The following TMEM132D variants were observed in gnomAD, a reference collection of about 807,000 sequenced individuals.
TMEM132D encodes mature OL transmembrane protein.
TMEM132D carries 21 observed loss-of-function variants against 62.3 expected under a neutral mutation model. The observed-to-expected ratio is 0.34, with a 90% CI of 0.24 to 0.49. TMEM132D has a LOEUF of 0.49. Among genes scored for constraint, TMEM132D ranks in the 20% least tolerant of loss-of-function variants. TMEM132D has a pLI of 0.99. For missense variants in TMEM132D, 1,346 were observed against 1,402.8 expected (o/e 0.96, Z 0.65); for synonymous variants, 621 against 575.6 (o/e 1.08, Z -1.13).
intron 3 of TMEM132D, among the ~76,000 whole-genome samples, chr12:129,509,913 C>T (rs751474793): frequency 5.3e-5 from 8 of 152,252 alleles, no homozygotes; most frequent in Admixed American, 6.5e-5. Context: ...CTATCGTGAA[C>T]AGCACTCCAA....
Position 129,892,516 on chromosome 12 carries a change from C to T in TMEM132D, c.79+10745G>A, listed in dbSNP as rs985532864. ...TCTTCTTTCTCTCCTCCCCTCTTCC[C>T]TTCTCCTCCCTCTCCTCCTCCTCGT... On this transcript the variant is annotated intron_variant, in intron 1 of 8. Coordinates refer to ENST00000422113, the MANE Select transcript of TMEM132D (RefSeq NM_133448.3). 2.6e-5 allele frequency among the ~76,000 whole-genome samples: 4 copies of T among 152,132 alleles called. No individual in the cohort carries two copies. The East Asian group carries it at 5.8e-4, about 22-fold the overall frequency.
chr12:129,298,288 C>T (rs1881626111), intron 4 of TMEM132D, among the ~76,000 whole-genome samples: 1 of 152,292 alleles, frequency 6.6e-6, no homozygotes, highest in African/African-American at 2.4e-5. Context: ...CTACAGCTTG[C>T]AAAGTCACAC....
chr12:129,662,079 C>T (rs999167349), intron 2 of TMEM132D, among the ~76,000 whole-genome samples: 1 of 152,208 alleles, frequency 6.6e-6, no homozygotes, highest in Non-Finnish European at 1.5e-5. Flanking sequence ...GCTATACTAG[C>T]AGGGCACATA....
Position 129,341,313 on chromosome 12 carries a change from G to A in TMEM132D, c.1116-3496C>T, listed in dbSNP as rs374334309. ...TCAGAAGGGAATCTGATGTATTGTAGGAGATAAATACAGTTGGTTAAAGAG... is the reference window on the plus strand; with the variant it reads ...TCAGAAGGGAATCTGATGTATTGTAAGAGATAAATACAGTTGGTTAAAGAG... On this transcript the variant is annotated intron_variant, in intron 3 of 8. Transcript: ENST00000422113. 9.2e-5 allele frequency among the ~76,000 whole-genome samples: 14 copies of A among 152,314 alleles called. 1 individual carries two copies. In the East Asian group the frequency reaches 2.7e-3, roughly 29 times the overall value.
chr12:129,432,529 T>C (rs1327692624), intron 3 of TMEM132D, among the ~76,000 whole-genome samples: 1 of 152,232 alleles, frequency 6.6e-6, no homozygotes, highest in Non-Finnish European at 1.5e-5. Flanking sequence ...CTTTTCTTCA[T>C]TGGCATGGGC....
intron 1 of TMEM132D, among the ~76,000 whole-genome samples, chr12:129,863,879 T>A (rs2137370705): frequency 6.6e-6 from 1 of 152,316 alleles, no homozygotes; most frequent in Non-Finnish European, 1.5e-5. Flanking sequence ...GCCTCATCAG[T>A]CGGCAGAGTT....
At chr12:129,588,684 C>G (rs1192320686) in intron 2 of TMEM132D, among the ~76,000 whole-genome samples, 1 of 150,792 alleles carries the variant, frequency 6.6e-6, no homozygotes, top group Non-Finnish European at 1.5e-5. Context: ...ACACCATTCT[C>G]CTGTTTCAGC....
intron 1 of TMEM132D, among the ~76,000 whole-genome samples, chr12:129,899,342 TGATG>T (rs1424348563): frequency 1.7e-5 from 2 of 114,982 alleles, no homozygotes; most frequent in Admixed American, 1.8e-4. Context: ...GATGGATGGA[TGATG>T]GATGGAGGGA....
chr12:129,529,864 A>G (rs143625009), intron 3 of TMEM132D, among the ~76,000 whole-genome samples: 1 of 152,340 alleles, frequency 6.6e-6, no homozygotes, highest in Non-Finnish European at 1.5e-5. Context: ...TTTCCAAATT[A>G]TATTACTGGT....
In TMEM132D at chr12:129,700,508, C is replaced by A. The variant is rs1006641282; in HGVS notation, c.270G>T (p.Leu90=). 1 of 1,614,058 alleles carries A rather than the reference C, an allele frequency of 6.2e-7. No homozygotes were observed. The highest frequency in any genetic ancestry group is 1.3e-5 in the African/African-American group (1 of 74,926). ...GCCCGTAGCTGGCATTGAGGACAGGCAGCCTCCTGGATTTGTAAATCAGAA... is the reference window on the plus strand; with the variant it reads ...GCCCGTAGCTGGCATTGAGGACAGGAAGCCTCCTGGATTTGTAAATCAGAA... The part of the protein sequence containing the change: ...ESFLIYKSRR[L]PVLNASYGPF... Residue 90 remains leucine (L), a synonymous_variant, in exon 2 of 9, where the codon CTG becomes CTT. Transcript: ENST00000422113.
At chr12:129,429,434 T>G (rs1872589629) in intron 3 of TMEM132D, among the ~76,000 whole-genome samples, 1 of 152,106 alleles carries the variant, frequency 6.6e-6, no homozygotes, top group Non-Finnish European at 1.5e-5. Flanking sequence ...TAGGGATGAC[T>G]TCTAGAAAAA....
intron 4 of TMEM132D, among the ~76,000 whole-genome samples, chr12:129,312,557 T>G (rs1479972547): frequency 2.0e-5 from 3 of 152,340 alleles, no homozygotes; most frequent in East Asian, 1.9e-4. Flanking sequence ...GAATAGTTTT[T>G]TTTGTTTGTT....
intron 3 of TMEM132D, among the ~76,000 whole-genome samples, chr12:129,470,955 A>G (rs543415642): frequency 6.6e-6 from 1 of 152,302 alleles, no homozygotes; most frequent in East Asian, 1.9e-4. Context: ...AGATGACATC[A>G]TGAGAACACA....
intron 5 of TMEM132D, among the ~76,000 whole-genome samples, chr12:129,137,148 T>TCAC (rs1876603657): frequency 3.3e-5 from 1 of 30,680 alleles, no homozygotes; most frequent in African/African-American, 6.8e-5. Context: ...ACTATCATTG[T>TCAC]CATCACTATC....
chr12:129,551,597 T>G (rs1035632168), intron 2 of TMEM132D, among the ~76,000 whole-genome samples: 7 of 152,236 alleles, frequency 4.6e-5, no homozygotes, highest in Non-Finnish European at 8.8e-5. Flanking sequence ...TACTTTAGTA[T>G]AGCGCCAATC....
chr12:129,329,038 A>T (rs1227783392), intron 4 of TMEM132D, among the ~76,000 whole-genome samples: 2 of 149,054 alleles, frequency 1.3e-5, no homozygotes, highest in South Asian at 2.1e-4. Context: ...TAAAGAATAT[A>T]TATATATATA....
chr12:129,269,842 C>T (rs1006989425), intron 4 of TMEM132D, among the ~76,000 whole-genome samples: 5 of 152,248 alleles, frequency 3.3e-5, no homozygotes, highest in Middle Eastern at 3.4e-3. Flanking sequence ...ATATACAGAA[C>T]CTAGCTACTT....
chr12:129,616,548 T>C (rs1366648975), intron 2 of TMEM132D, among the ~76,000 whole-genome samples: 3 of 152,306 alleles, frequency 2.0e-5, no homozygotes, highest in African/African-American at 7.2e-5. Context: ...TGGGAGGAAA[T>C]TGAATCATGA....
chr12:129,464,983 A>C (rs1268523284), intron 3 of TMEM132D, among the ~76,000 whole-genome samples: 2 of 46,370 alleles, frequency 4.3e-5, no homozygotes, highest in Non-Finnish European at 9.4e-5. Context: ...ATGAACTTTA[A>C]AGTAGTTTTT....
Sources: gnomAD v4.1 joint callset for allele counts (sites outside exome capture counted in the v4.1 genomes callset) on GRCh38, gnomAD v4.1.1 for gene constraint, MANE v1.5 for transcripts, NCBI Gene and HGNC (gene_info 2026-07-23, HGNC 2026-07-21) for gene names.